Variants in NELL1 observed in about 807,000 individuals in gnomAD.
NELL1 encodes the protein neural EGFL like 1.
NELL1 carries 76 observed loss-of-function variants against 107.4 expected under a neutral mutation model. That is an observed-to-expected ratio of 0.71 (90% CI 0.59 to 0.86). NELL1 has a LOEUF of 0.86. Among genes scored for constraint, NELL1 ranks in the 40% least tolerant of loss-of-function variants. The probability of loss-of-function intolerance (pLI) is 0.00; values close to 1 mark genes in which losing one functional copy is unlikely to be tolerated. For missense variants in NELL1, 1,024 were observed against 1,005.5 expected, an observed-to-expected ratio of 1.02 and a Z score of -0.25; for synonymous variants, 353 against 341.2, an observed-to-expected ratio of 1.03 and a Z score of -0.38.
intron 13 of NELL1, among the ~76,000 whole-genome samples, chr11:21,147,183 G>A (rs1421245845): frequency 1.3e-5 from 2 of 152,160 alleles, no homozygotes. Context: ...GGATTTAATA[G>A]CTGTTATTTG....
intron 4 of NELL1, among the ~76,000 whole-genome samples, chr11:20,860,297 C>G (rs1848955659): frequency 6.6e-6 from 1 of 152,156 alleles, no homozygotes; most frequent in Non-Finnish European, 1.5e-5. Flanking sequence ...TGTAAGCACC[C>G]TATGAGCTCA....
At chr11:21,339,408 G>C (rs1236053068) in intron 14 of NELL1, among the ~76,000 whole-genome samples, 1 of 152,178 alleles carries the variant, frequency 6.6e-6, no homozygotes, top group East Asian at 1.9e-4. Context: ...ACTGACAACA[G>C]CTTGATTTCA....
At position 21,575,171 on chromosome 11, in the gene NELL1, G is replaced by C. The variant is rs1857192379; in HGVS notation, c.*149G>C. 1 of 719,672 alleles carries C rather than the reference G, an allele frequency of 1.4e-6. No homozygotes were observed. The highest frequency in any genetic ancestry group is 2.4e-6 in the Non-Finnish European group (1 of 420,106). The allele number at this position is 719,672 out of a possible 1,614,324, so 44.6% of individuals were successfully genotyped here. ...AGTTTCCACCTGAGGACGGTGTTTG[G>C]AGGTTGCCTTTTGGACCTACCACTT... On this transcript the variant is annotated 3_prime_UTR_variant, in exon 20 of 20. Transcript: ENST00000357134.
intron 12 of NELL1, among the ~76,000 whole-genome samples, chr11:20,983,261 T>C (rs545301058): frequency 6.6e-6 from 1 of 152,310 alleles, no homozygotes; most frequent in South Asian, 2.1e-4. Flanking sequence ...ACCTCTTGGC[T>C]CGCTTTCCTT....
chr11:20,955,045 C>A (rs1047880130), intron 11 of NELL1, among the ~76,000 whole-genome samples: 2 of 152,130 alleles, frequency 1.3e-5, no homozygotes, highest in African/African-American at 2.4e-5. Context: ...AAAATGTGAC[C>A]ATTTAATCTA....
intron 14 of NELL1, among the ~76,000 whole-genome samples, chr11:21,367,067 T>TA (rs11309899): frequency 6.6e-6 from 1 of 151,516 alleles, no homozygotes; most frequent in Non-Finnish European, 1.5e-5. Context: ...TATTTTAATA[T>TA]AAAAAAAGTA....
chr11:21,024,014 G>A (rs972176322), intron 12 of NELL1, among the ~76,000 whole-genome samples: 3 of 151,802 alleles, frequency 2.0e-5, no homozygotes, highest in East Asian at 1.9e-4. Context: ...CCTTCCTTTT[G>A]TAAGAAAGCT....
intron 4 of NELL1, among the ~76,000 whole-genome samples, chr11:20,850,974 G>C (rs1848784748): frequency 6.6e-6 from 1 of 152,088 alleles, no homozygotes; most frequent in Non-Finnish European, 1.5e-5. Flanking sequence ...CCCAAACTTT[G>C]AGTCTGAAAC....
intron 2 of NELL1, among the ~76,000 whole-genome samples, chr11:20,752,042 CATCTTTT>C (rs1394338845): frequency 6.6e-6 from 1 of 152,098 alleles, no homozygotes; most frequent in Non-Finnish European, 1.5e-5. Flanking sequence ...TTACTTTTCT[CATCTTTT>C]ATCTTTTATT....
intron 3 of NELL1, among the ~76,000 whole-genome samples, chr11:20,787,408 A>C (rs1284762626): frequency 1.3e-5 from 2 of 152,212 alleles, no homozygotes; most frequent in Non-Finnish European, 2.9e-5. Context: ...CCCATCTGCA[A>C]TAAGTGAGAA....
At chr11:21,566,604 C>T (rs1202401393) in intron 17 of NELL1, among the ~76,000 whole-genome samples, 1 of 151,782 alleles carries the variant, frequency 6.6e-6, no homozygotes, top group East Asian at 2.0e-4. Context: ...TGCAAAAATA[C>T]ATCTTTGGCA....
chr11:21,417,524 G>A (rs1564884330), intron 15 of NELL1, among the ~76,000 whole-genome samples: 2 of 151,372 alleles, frequency 1.3e-5, no homozygotes, highest in East Asian at 1.9e-4. Context: ...GACCCTGTGG[G>A]TTTTTTTCCT....
intron 14 of NELL1, among the ~76,000 whole-genome samples, chr11:21,265,900 G>C (rs773852874): frequency 2.6e-5 from 4 of 151,932 alleles, no homozygotes; most frequent in Non-Finnish European, 4.4e-5. Flanking sequence ...TCTACCCTCT[G>C]ACCCCAATTT....
intron 13 of NELL1, among the ~76,000 whole-genome samples, chr11:21,134,213 T>G (rs1182155598): frequency 1.3e-5 from 2 of 152,212 alleles, no homozygotes; most frequent in African/African-American, 4.8e-5. Context: ...GTGGTGTGAA[T>G]GACCAAGGAG....
intron 2 of NELL1, among the ~76,000 whole-genome samples, chr11:20,688,386 C>G (rs1443281529): frequency 6.6e-6 from 1 of 152,064 alleles, no homozygotes; most frequent in Non-Finnish European, 1.5e-5. Flanking sequence ...TCAATATCTT[C>G]CCCCTCTCGT....
chr11:21,326,879 A>C (rs1850155410), intron 14 of NELL1, among the ~76,000 whole-genome samples: 1 of 151,736 alleles, frequency 6.6e-6, no homozygotes, highest in Admixed American at 6.6e-5. Flanking sequence ...AATGTTATTT[A>C]AATAGTTGGA....
At chr11:21,214,456 G>A (rs1296069596) in intron 13 of NELL1, among the ~76,000 whole-genome samples, 1 of 152,070 alleles carries the variant, frequency 6.6e-6, no homozygotes, top group South Asian at 2.1e-4. Flanking sequence ...AACACCATTG[G>A]CAGTTAGCAC....
At chr11:21,222,281 A>G (rs1590747052) in intron 13 of NELL1, among the ~76,000 whole-genome samples, 1 of 151,294 alleles carries the variant, frequency 6.6e-6, no homozygotes, top group Admixed American at 6.6e-5. Flanking sequence ...CCAGGTTCAC[A>G]CCATTCTCCT....
intron 12 of NELL1, among the ~76,000 whole-genome samples, chr11:20,990,401 C>T (rs975740127): frequency 6.6e-6 from 1 of 152,194 alleles, no homozygotes; most frequent in Non-Finnish European, 1.5e-5. Context: ...GGCTAGTTAC[C>T]TTTCACAGTG....
Sources: gnomAD v4.1 joint callset for allele counts (sites outside exome capture counted in the v4.1 genomes callset) on GRCh38, gnomAD v4.1.1 for gene constraint, MANE v1.5 for transcripts, NCBI Gene and HGNC (gene_info 2026-07-23, HGNC 2026-07-21) for gene names.